TNFRSF11A: variants seen among roughly 807,000 people sequenced by gnomAD.
TNFRSF11A encodes TNF receptor superfamily member 11a.
A neutral mutation model predicts 55.7 loss-of-function variants in TNFRSF11A; 32 were observed. The observed-to-expected ratio is 0.57, with a 90% CI of 0.43 to 0.77. The LOEUF (loss-of-function observed/expected upper bound fraction) is 0.77, where lower values mean the gene tolerates loss of function less well. TNFRSF11A is among the 30% of genes least tolerant of loss of function. The pLI is 0.00. For synonymous variants in TNFRSF11A, 311 were observed against 331.0 expected (o/e 0.94, Z 0.65); for missense variants, 753 against 809.8 (o/e 0.93, Z 0.85).
chr18:62,349,373 G>T (rs963969991), intron 2 of TNFRSF11A, among the ~76,000 whole-genome samples: 6 of 152,032 alleles, frequency 3.9e-5, no homozygotes, highest in African/African-American at 1.4e-4. Flanking sequence ...GTAGAGACGA[G>T]ATTTCACCAT....
intron 3 of TNFRSF11A, among the ~76,000 whole-genome samples, chr18:62,353,244 A>G (rs544718740): frequency 2.6e-5 from 4 of 152,338 alleles, no homozygotes; most frequent in Non-Finnish European, 5.9e-5. Flanking sequence ...TTTCTGTTAA[A>G]GACACCTTAT....
intron 3 of TNFRSF11A, among the ~76,000 whole-genome samples, chr18:62,351,740 A>T (rs1338875512): frequency 6.6e-6 from 1 of 152,162 alleles, no homozygotes; most frequent in African/African-American, 2.4e-5. Flanking sequence ...TCTCCCAAGG[A>T]CTTATATTAT....
chr18:62,360,252 G>T (rs540720236), intron 6 of TNFRSF11A, among the ~76,000 whole-genome samples: 5 of 152,140 alleles, frequency 3.3e-5, no homozygotes, highest in African/African-American at 4.8e-5. Flanking sequence ...CACTGGATTG[G>T]GGGTAACTAA....
chr18:62,389,226 C>T lies in TNFRSF11A; in HGVS notation c.*4192C>T, dbSNP rs1835138413. On this transcript the variant is annotated 3_prime_UTR_variant, in exon 10 of 10. Coordinates refer to ENST00000586569, the MANE Select transcript of TNFRSF11A (RefSeq NM_003839.4). ...ACGAGACAATGCTCTGCTCCAAGCG[C>T]CAGAGGAGGCTTCTGGGAAGGGGCT... 2 of 152,244 alleles carry T rather than the reference C, an allele frequency of 1.3e-5. No individual in the cohort carries two copies. The highest frequency in any genetic ancestry group is 1.3e-4 in the Admixed American group (2 of 15,274). The allele number at this position is 152,244 out of a possible 1,614,324, so 9.4% of individuals were successfully genotyped here.
intron 4 of TNFRSF11A, 77 bp from the exon 5 acceptor site, chr18:62,358,171 G>A (rs1004840903): frequency 1.4e-4 from 194 of 1,429,872 alleles, no homozygotes; most frequent in Admixed American, 1.4e-4. Flanking sequence ...TGGAGTCCCA[G>A]CCTGGATGAT....
In TNFRSF11A at chr18:62,354,436, G is replaced by GGCGCT. The variant is rs771606608; in HGVS notation, c.334_338dup (p.Cys114AlafsTer71). On this transcript the variant is annotated frameshift_variant, in exon 4 of 10. Transcript: ENST00000586569. LOFTEE classifies it high-confidence loss of function. ...GTCGCCGGCAACAGCACGACCCCCC[G>GGCGCT]GCGCTGCGCGTGCACGGCTGGGTAC... 6.3e-7 allele frequency: 1 copy of GGCGCT among 1,597,936 alleles called. No homozygotes were observed. The highest frequency in any genetic ancestry group is 1.7e-5 in the Admixed American group (1 of 59,790).
chr18:62,374,611 T>C (rs1375848858), intron 9 of TNFRSF11A, among the ~76,000 whole-genome samples: 1 of 152,202 alleles, frequency 6.6e-6, no homozygotes, highest in African/African-American at 2.4e-5. Context: ...TTAAACAACA[T>C]AATAAGCTTT....
intron 5 of TNFRSF11A, among the ~76,000 whole-genome samples, chr18:62,359,109 G>C (rs1909482305): frequency 6.6e-6 from 1 of 151,990 alleles, no homozygotes; most frequent in African/African-American, 2.4e-5. Context: ...TTTTCTGCTG[G>C]GCATGGTGGC....
At chr18:62,335,514 G>A (rs929773707) in intron 1 of TNFRSF11A, among the ~76,000 whole-genome samples, 1 of 152,182 alleles carries the variant, frequency 6.6e-6, no homozygotes, top group African/African-American at 2.4e-5. Context: ...TCAAGGTGGT[G>A]GGCACCTGCC....
At position 62,357,294 on chromosome 18, in the gene TNFRSF11A, G is replaced by A. The variant is rs529542323; in HGVS notation, c.428-954G>A. Among the ~76,000 whole-genome samples the A allele has an allele frequency of 3.3e-5, 5 of 152,352 alleles. No homozygotes were observed. In the East Asian group the frequency reaches 9.6e-4, roughly 29 times the overall value. ...ATTATGATATCACATAGTAGCCAAT[G>A]TTCTTCTTGGGACTTACCGAAGAAT... On this transcript the variant is annotated intron_variant, in intron 4 of 9. Coordinates refer to ENST00000586569, the MANE Select transcript of TNFRSF11A (RefSeq NM_003839.4).
chr18:62,382,107 C>CTTTT lies in TNFRSF11A; in HGVS notation c.1568-2622_1568-2619dup, dbSNP rs574488222. On this transcript the variant is annotated intron_variant, in intron 9 of 9. Transcript: ENST00000586569. Reference sequence around the variant, plus strand: ...CTGGCTGATTATAGTTTCCTGAGTCCTTTTTTTTTTTTTTTTTTTTTTTTT... The same window carrying CTTTT: ...CTGGCTGATTATAGTTTCCTGAGTCCTTTTTTTTTTTTTTTTTTTTTTTTTTTTT... 2.5e-3 allele frequency among the ~76,000 whole-genome samples: 222 copies of CTTTT among 89,446 alleles called. 4 individuals are homozygous for CTTTT. Among genetic ancestry groups the CTTTT allele is most frequent in the East Asian group, 0.01 (21 of 2,092 alleles). 58.7% of individuals were successfully genotyped at this position (89,446 alleles called of 152,430 possible).
At chr18:62,360,100 G>A in intron 6 of TNFRSF11A, 51 bp downstream of exon 6, 1 of 1,526,594 alleles carries the variant, frequency 6.6e-7, no homozygotes, top group Non-Finnish European at 9.1e-7. Flanking sequence ...AGGGTGGTCA[G>A]CTGGTTTAGA....
intron 9 of TNFRSF11A, among the ~76,000 whole-genome samples, chr18:62,372,742 A>G (rs1010254053): frequency 6.6e-6 from 1 of 152,182 alleles, no homozygotes; most frequent in Admixed American, 6.5e-5. Context: ...GCTTCCACTT[A>G]TAAGTGAGAA....
chr18:62,376,134 G>A (rs1910876309), intron 9 of TNFRSF11A, among the ~76,000 whole-genome samples: 1 of 152,200 alleles, frequency 6.6e-6, no homozygotes. Flanking sequence ...TTCCACAGGA[G>A]GGACAGTAGG....
At chr18:62,373,638 G>T (rs1319822498) in intron 9 of TNFRSF11A, among the ~76,000 whole-genome samples, 4 of 152,108 alleles carry the variant, frequency 2.6e-5, no homozygotes, top group Non-Finnish European at 5.9e-5. Context: ...TAGTTCTTTG[G>T]TCTGCTCTAG....
At chr18:62,333,766 G>C (rs569478743) in intron 1 of TNFRSF11A, among the ~76,000 whole-genome samples, 1 of 152,300 alleles carries the variant, frequency 6.6e-6, no homozygotes, top group Admixed American at 6.5e-5. Flanking sequence ...GGGACAGAAA[G>C]CTTTTTGGTA....
At chr18:62,342,524 T>C (rs539486177) in intron 1 of TNFRSF11A, among the ~76,000 whole-genome samples, 1 of 152,216 alleles carries the variant, frequency 6.6e-6, no homozygotes, top group South Asian at 2.1e-4. Flanking sequence ...TCCTGCATCA[T>C]TTCCACTCCT....
intron 7 of TNFRSF11A, 27 bp from the exon 8 acceptor site, chr18:62,366,681 T>A: frequency 4.3e-6 from 7 of 1,612,970 alleles, no homozygotes; most frequent in Non-Finnish European, 5.9e-6. Flanking sequence ...TAACTTGAAG[T>A]CCTTATCCTT....
At chr18:62,329,273 C>T (rs2046116865) in intron 1 of TNFRSF11A, among the ~76,000 whole-genome samples, 1 of 152,140 alleles carries the variant, frequency 6.6e-6, no homozygotes, top group East Asian at 1.9e-4. Flanking sequence ...GGTTCACTCC[C>T]TAGGGCATCT....
Sources: gnomAD v4.1 joint callset for allele counts (sites outside exome capture counted in the v4.1 genomes callset) on GRCh38, gnomAD v4.1.1 for gene constraint, MANE v1.5 for transcripts, NCBI Gene and HGNC (gene_info 2026-07-23, HGNC 2026-07-21) for gene names.